The following PALLD variants were observed in gnomAD, a reference collection of about 807,000 sequenced individuals.
The protein encoded by PALLD is palladin.
Under a neutral mutation model 123.5 loss-of-function variants are expected in PALLD, and 61 were observed. The observed-to-expected ratio is 0.49, with a 90% CI of 0.40 to 0.61. The LOEUF is 0.61. Ranked by LOEUF, PALLD falls within the 20% of genes least tolerant of loss-of-function variation. The probability of loss-of-function intolerance (pLI) is 0.00; values close to 1 mark genes in which losing one functional copy is unlikely to be tolerated. For synonymous variants in PALLD, 465 were observed against 496.4 expected (o/e 0.94, Z 0.84); for missense variants, 1,273 against 1,377.0 (o/e 0.92, Z 1.20).
At chr4:168,615,340 G>T (rs1231094158) in intron 2 of PALLD, among the ~76,000 whole-genome samples, 4 of 152,130 alleles carry the variant, frequency 2.6e-5, no homozygotes, top group Non-Finnish European at 1.5e-5. Context: ...CGGGTATCAG[G>T]CAAGGGAAAA....
intron 2 of PALLD, among the ~76,000 whole-genome samples, chr4:168,604,425 G>A (rs548143230): frequency 6.6e-6 from 1 of 152,246 alleles, no homozygotes. Context: ...CATGGAACAC[G>A]TAACATGGCC....
At chr4:168,582,590 T>C (rs904016276) in intron 2 of PALLD, among the ~76,000 whole-genome samples, 10 of 152,172 alleles carry the variant, frequency 6.6e-5, no homozygotes, top group African/African-American at 2.2e-4. Context: ...TTTAGTATAT[T>C]GAGGAACATT....
chr4:168,516,592 C>T (rs1164966382), intron 2 of PALLD, among the ~76,000 whole-genome samples: 1 of 151,884 alleles, frequency 6.6e-6, no homozygotes, highest in Non-Finnish European at 1.5e-5. Flanking sequence ...AAATGATGTG[C>T]CTAGTAATAC....
At chr4:168,664,953 A>G (rs992001460) in intron 2 of PALLD, among the ~76,000 whole-genome samples, 4 of 152,226 alleles carry the variant, frequency 2.6e-5, no homozygotes, top group African/African-American at 9.6e-5. Context: ...TAGGAAAGTC[A>G]TTGAGCCTTC....
intron 10 of PALLD, among the ~76,000 whole-genome samples, chr4:168,761,357 G>A (rs781460037): frequency 6.6e-6 from 1 of 152,088 alleles, no homozygotes; most frequent in Non-Finnish European, 1.5e-5. Context: ...TTATTAGCAT[G>A]TAAAACTCGG....
chr4:168,760,592 T>TA (rs546324151), intron 10 of PALLD, among the ~76,000 whole-genome samples: 207 of 152,250 alleles, frequency 1.4e-3, no homozygotes, highest in Non-Finnish European at 1.9e-3. Flanking sequence ...AAATTTCTCC[T>TA]AAAAAATATT....
At chr4:168,772,482 A>G (rs143427902) in intron 10 of PALLD, among the ~76,000 whole-genome samples, 2 of 152,336 alleles carry the variant, frequency 1.3e-5, no homozygotes, top group African/African-American at 2.4e-5. Context: ...ATGATGCCCA[A>G]AACTTAAATG....
At chr4:168,850,890 T>C (rs28679640) in intron 10 of PALLD, among the ~76,000 whole-genome samples, 27,384 of 152,108 alleles carry the variant, frequency 0.18, 8,146 homozygotes, top group African/African-American at 0.62. Flanking sequence ...CTGAGTATTA[T>C]ACAAAATAAG....
intron 3 of PALLD, among the ~76,000 whole-genome samples, chr4:168,670,741 AAAAAAC>A (rs1266474593): frequency 3.4e-5 from 3 of 87,544 alleles, no homozygotes; most frequent in Admixed American, 1.2e-4. Flanking sequence ...CTCCGTCTCA[AAAAAAC>A]AAAAAAAACA....
chr4:168,922,442 G>A (rs890310012), intron 18 of PALLD, among the ~76,000 whole-genome samples: 7 of 152,138 alleles, frequency 4.6e-5, no homozygotes, highest in African/African-American at 1.4e-4. Flanking sequence ...GCCCTCACAT[G>A]AGCCTTATGA....
intron 10 of PALLD, among the ~76,000 whole-genome samples, chr4:168,768,339 A>G (rs140166158): frequency 2.0e-5 from 3 of 152,288 alleles, no homozygotes; most frequent in Non-Finnish European, 4.4e-5. Context: ...CATCCGCTCT[A>G]CCTGTGAGTG....
intron 10 of PALLD, among the ~76,000 whole-genome samples, chr4:168,859,894 A>G (rs926786364): frequency 6.6e-6 from 1 of 152,262 alleles, no homozygotes; most frequent in African/African-American, 2.4e-5. Flanking sequence ...TATATTCAAA[A>G]TATTATTTTA....
chr4:168,525,858 T>C (rs1391122470), intron 2 of PALLD, among the ~76,000 whole-genome samples: 4 of 152,224 alleles, frequency 2.6e-5, no homozygotes, highest in South Asian at 2.1e-4. Context: ...TAACAAGGTG[T>C]TTCTATCCTA....
chr4:168,729,400 G>A (rs982516944), intron 10 of PALLD, among the ~76,000 whole-genome samples: 1 of 152,046 alleles, frequency 6.6e-6, no homozygotes, highest in Non-Finnish European at 1.5e-5. Flanking sequence ...CTGGGCTCAA[G>A]CAGTCTTCCT....
rs1190179892 is a variant in PALLD at position 168,917,049 on chromosome 4, G to GT, written c.2850+1039dup. Among the ~76,000 whole-genome samples the GT allele has an allele frequency of 6.1e-3, 758 of 124,876 alleles. 6 individuals are homozygous for GT. Among genetic ancestry groups the GT allele is most frequent in the African/African-American group, 0.01 (327 of 31,182 alleles). The allele number at this position is 124,876 out of a possible 152,430, so 81.9% of individuals were successfully genotyped here. ...CAGCAGGGCTTTTTGTTTTTTTGGG[G>GT]TTTTTTTTTTTTTTTTTGAGACGGA... On this transcript the variant is annotated intron_variant, in intron 17 of 21. Transcript: ENST00000505667.
At chr4:168,623,950 CATA>C (rs1775002007) in intron 2 of PALLD, among the ~76,000 whole-genome samples, 1 of 152,062 alleles carries the variant, frequency 6.6e-6, no homozygotes, top group Non-Finnish European at 1.5e-5. Context: ...AAAGACATAA[CATA>C]ATAAGATACA....
At chr4:168,779,779 ACT>A (rs568318796) in intron 10 of PALLD, among the ~76,000 whole-genome samples, 61 of 152,022 alleles carry the variant, frequency 4.0e-4, no homozygotes, top group Middle Eastern at 6.8e-3. Context: ...TAATCATTTG[ACT>A]CTGAGTAGAT....
At chr4:168,851,653 C>T (rs1747811217) in intron 10 of PALLD, among the ~76,000 whole-genome samples, 3 of 152,172 alleles carry the variant, frequency 2.0e-5, no homozygotes, top group Non-Finnish European at 4.4e-5. Flanking sequence ...CAGGCATAAG[C>T]CCCACGCCTG....
At chr4:168,831,973 T>G (rs1027721941) in intron 10 of PALLD, 8 of 984,250 alleles carry the variant, frequency 8.1e-6, no homozygotes, top group Middle Eastern at 5.2e-4. Context: ...GAGCCACGCC[T>G]CCTCTCTCCC....
Sources: allele counts gnomAD v4.1 joint callset (sites outside exome capture counted in the v4.1 genomes callset), GRCh38; gene constraint gnomAD v4.1.1; transcripts MANE v1.5; gene names NCBI Gene and HGNC (gene_info 2026-07-23, HGNC 2026-07-21).